The following RDX variants were observed in gnomAD, a reference collection of about 807,000 sequenced individuals.
RDX encodes radixin.
A neutral mutation model predicts 83.7 loss-of-function variants in RDX; 32 were observed. The ratio of observed to expected loss-of-function variants is 0.38; its 90% CI spans 0.29 to 0.51. RDX has a LOEUF of 0.51. RDX is among the 20% of genes least tolerant of loss of function. The pLI is 0.87. For synonymous variants in RDX, 229 were observed against 222.7 expected (o/e 1.03, Z -0.25); for missense variants, 600 against 689.9 (o/e 0.87, Z 1.46).
chr11:110,276,928 T>C (rs1246252455), intron 2 of RDX, among the ~76,000 whole-genome samples: 1 of 152,222 alleles, frequency 6.6e-6, no homozygotes, highest in Non-Finnish European at 1.5e-5. Flanking sequence ...CATTAAACTA[T>C]AGAAATACAA....
intron 10 of RDX, among the ~76,000 whole-genome samples, chr11:110,247,415 TAC>T (rs1565313272): frequency 1.3e-5 from 2 of 152,172 alleles, no homozygotes; most frequent in East Asian, 3.8e-4. Context: ...AGCCCATATA[TAC>T]ATTTACAATT....
At chr11:110,177,715 C>G (rs950293331) in intron 15 of RDX, among the ~76,000 whole-genome samples, 1 of 152,046 alleles carries the variant, frequency 6.6e-6, no homozygotes, top group African/African-American at 2.4e-5. Context: ...AACTCCTGAC[C>G]TCAGGTGGTC....
chr11:110,262,844 A>G lies in RDX; in HGVS notation c.467+1116T>C, dbSNP rs187312281. Among the ~76,000 whole-genome samples, 126 of 152,302 alleles carry G rather than the reference A, an allele frequency of 8.3e-4. 1 individual carries two copies. The highest frequency in any genetic ancestry group is 2.8e-3 in the African/African-American group (117 of 41,570). ...GCAAAGGGTGGAATCGGTACTCAAA[A>G]TTTAGGTCTTCTGATAATTTTTTCC... is the stretch of plus-strand genomic sequence containing the variant. On this transcript the variant is annotated intron_variant, in intron 5 of 13. Transcript: ENST00000645495.
chr11:110,207,772 A>G (rs1037233490), intron 14 of RDX, among the ~76,000 whole-genome samples: 2 of 152,236 alleles, frequency 1.3e-5, no homozygotes, highest in South Asian at 2.1e-4. Flanking sequence ...GCAGAGTTGT[A>G]TAGCTGGGAC....
chr11:110,279,567 G>A, intron 2 of RDX, 114 bp downstream of exon 2: 1 of 736,144 alleles, frequency 1.4e-6, no homozygotes, highest in South Asian at 1.6e-5. Context: ...AATAACAGTA[G>A]TATCAGTGCC....
Position 110,272,587 on chromosome 11 carries a change from C to T in RDX, c.45G>A (p.Glu15=), listed in dbSNP as rs1860349194. The T allele has an allele frequency of 6.2e-7, 1 of 1,612,088 alleles. No individual in the cohort carries two copies. Among genetic ancestry groups the T allele is most frequent in the African/African-American group, 1.3e-5 (1 of 74,866 alleles). The stretch of plus-strand genomic sequence containing the variant: ...TATTGGGCTGAATGGCAAATTCCAG[C>T]TCAGCATCCATTGTAGTTACTCTTA... The part of the protein sequence containing the change: ...INVRVTTMDA[E]LEFAIQPNTT... The change falls in exon 3 of 14, where the codon GAG becomes GAA. Residue 15 remains glutamate (E), a synonymous_variant. Coordinates refer to ENST00000645495, the MANE Select transcript of RDX (RefSeq NM_002906.4).
intron 12 of RDX, among the ~76,000 whole-genome samples, chr11:110,233,886 C>CATT (rs1864738199): frequency 6.6e-6 from 1 of 152,054 alleles, no homozygotes; most frequent in African/African-American, 2.4e-5. Flanking sequence ...AACCGAATAA[C>CATT]GGAGGAATGA....
intron 7 of RDX, 58 bp downstream of exon 7, chr11:110,257,709 T>C: frequency 6.4e-7 from 1 of 1,562,252 alleles, no homozygotes; most frequent in Non-Finnish European, 8.8e-7. Context: ...GGACATAAGA[T>C]TAACGTCATT....
intron 15 of RDX, among the ~76,000 whole-genome samples, chr11:110,190,124 CAT>C (rs1429216968): frequency 6.6e-6 from 1 of 152,142 alleles, no homozygotes; most frequent in Non-Finnish European, 1.5e-5. Context: ...CAGAGACACA[CAT>C]ACCAAAATTT....
chr11:110,179,148 C>G (rs1466111831), intron 15 of RDX, among the ~76,000 whole-genome samples: 1 of 152,208 alleles, frequency 6.6e-6, no homozygotes, highest in African/African-American at 2.4e-5. Context: ...ATCCAAGGTC[C>G]ACCCAAGGGC....
At chr11:110,295,649 A>AAAAAAC (rs948695641) in intron 1 of RDX, among the ~76,000 whole-genome samples, 13 of 150,758 alleles carry the variant, frequency 8.6e-5, no homozygotes, top group African/African-American at 3.2e-4. Flanking sequence ...ACTGAAAAAA[A>AAAAAAC]AAAAAAAACA....
chr11:110,212,350 A>G (rs1863868844), intron 14 of RDX, among the ~76,000 whole-genome samples: 1 of 139,524 alleles, frequency 7.2e-6, no homozygotes, highest in Non-Finnish European at 1.6e-5. Flanking sequence ...TCAATAGCTT[A>G]CCAACCAAAA....
intron 2 of RDX, chr11:110,272,965 A>T: frequency 2.2e-6 from 1 of 458,522 alleles, no homozygotes; most frequent in Non-Finnish European, 4.4e-6. Context: ...GGTGCCTCAC[A>T]TCTTTAGTCC....
rs762658340 is a variant in RDX at position 110,231,924 on chromosome 11, C to T, written c.1697G>A (p.Arg566Gln). 3 of 1,613,706 alleles carry T rather than the reference C, an allele frequency of 1.9e-6. No individual in the cohort carries two copies. Among genetic ancestry groups the T allele is most frequent in the African/African-American group, 1.3e-5 (1 of 75,020 alleles). Residue 566 changes from arginine to glutamine, a missense_variant, in exon 14 of 14, where the codon CGA becomes CAA. Arg to Gln is a conservative substitution (Grantham distance 43). Transcript: ENST00000645495. ...KAGRDKYKTL[R>Q]QIRQGNTKQR... ...CTTTGTATTGCCTTGTCGAATCTGTCGCAGAGTCTTGTACTTATCACGGCC... is the reference window on the plus strand; with the variant it reads ...CTTTGTATTGCCTTGTCGAATCTGTTGCAGAGTCTTGTACTTATCACGGCC...
downstream of RDX, among the ~76,000 whole-genome samples, chr11:110,226,823 T>G (rs2134286459): frequency 6.6e-6 from 1 of 152,286 alleles, no homozygotes; most frequent in South Asian, 2.1e-4. Context: ...TAACTGGTGT[T>G]TAAAATTTGG....
chr11:110,208,150 A>T (rs1057160832), intron 14 of RDX, among the ~76,000 whole-genome samples: 6 of 152,176 alleles, frequency 3.9e-5, no homozygotes, highest in African/African-American at 1.2e-4. Context: ...AAGCCATTCA[A>T]ATAACCCACA....
At chr11:110,279,919 T>C (rs1860686021) in intron 1 of RDX, among the ~76,000 whole-genome samples, 163 bp from the exon 2 acceptor site, 1 of 152,218 alleles carries the variant, frequency 6.6e-6, no homozygotes, top group Non-Finnish European at 1.5e-5. Context: ...GCATTGCACA[T>C]TCCCTAAGAA....
Position 110,199,018 on chromosome 11 carries a change from T to C in RDX, c.*31+563A>G, listed in dbSNP as rs11213302. Among the ~76,000 whole-genome samples the C allele has an allele frequency of 3.0e-3, 450 of 152,244 alleles. 27 individuals are homozygous for C. The East Asian group carries it at 0.071, about 24-fold the overall frequency. On this transcript the variant is annotated intron_variant, in intron 15 of 15. Transcript: ENST00000528498. ...TTAGTAGAGACGGGGTTTCACCATG[T>C]TGGCCAGGCTAGTCTCGAACTCCTG...
chr11:110,240,744 C>CAA (rs1298350227), intron 10 of RDX, among the ~76,000 whole-genome samples: 11 of 62,866 alleles, frequency 1.7e-4, no homozygotes, highest in African/African-American at 2.8e-4. Flanking sequence ...GACTCCGTCT[C>CAA]AAAAAAAAAA....
Sources: gnomAD v4.1 joint callset for allele counts (sites outside exome capture counted in the v4.1 genomes callset) on GRCh38, gnomAD v4.1.1 for gene constraint, MANE v1.5 for transcripts, NCBI Gene and HGNC (gene_info 2026-07-23, HGNC 2026-07-21) for gene names.